GRM8: variants seen among roughly 807,000 people sequenced by gnomAD.
GRM8 encodes metabotropic glutamate receptor 8.
A neutral mutation model predicts 87.2 loss-of-function variants in GRM8; 47 were observed. The ratio of observed to expected loss-of-function variants is 0.54; its 90% CI spans 0.43 to 0.69. The LOEUF (loss-of-function observed/expected upper bound fraction) is 0.69. Ranked by LOEUF, GRM8 falls within the 30% of genes least tolerant of loss-of-function variation. The probability of loss-of-function intolerance (pLI) is 0.00; values close to 1 mark genes in which losing one functional copy is unlikely to be tolerated. For synonymous variants in GRM8, 396 were observed against 404.5 expected, an observed-to-expected ratio of 0.98 and a Z score of 0.25; for missense variants, 1,019 against 1,139.2, an observed-to-expected ratio of 0.89 and a Z score of 1.52.
At chr7:127,189,842 T>G (rs1268975498) in intron 2 of GRM8, among the ~76,000 whole-genome samples, 1 of 152,152 alleles carries the variant, frequency 6.6e-6, no homozygotes, top group Non-Finnish European at 1.5e-5. Flanking sequence ...TTACAGCAAC[T>G]CATCCCCACT....
At chr7:126,661,269 C>T (rs1805127557) in intron 7 of GRM8, among the ~76,000 whole-genome samples, 1 of 152,144 alleles carries the variant, frequency 6.6e-6, no homozygotes, top group Admixed American at 6.5e-5. Flanking sequence ...TGTATCAAAA[C>T]ATCTCATGTA....
At chr7:126,868,227 G>A (rs1798776219) in intron 6 of GRM8, among the ~76,000 whole-genome samples, 1 of 152,238 alleles carries the variant, frequency 6.6e-6, no homozygotes, top group Admixed American at 6.5e-5. Flanking sequence ...CTGTGTGAAG[G>A]GCATGGAAGG....
chr7:126,468,518 T>C (rs757779268), intron 9 of GRM8, among the ~76,000 whole-genome samples: 8 of 152,118 alleles, frequency 5.3e-5, no homozygotes, highest in Non-Finnish European at 7.4e-5. Flanking sequence ...ACATCAACAA[T>C]TCTTCAATCC....
At chr7:127,172,880 G>A (rs977638934) in intron 2 of GRM8, among the ~76,000 whole-genome samples, 3 of 152,128 alleles carry the variant, frequency 2.0e-5, no homozygotes, top group African/African-American at 7.2e-5. Context: ...GCTTTCTGGA[G>A]TTTTCTCAGA....
intron 8 of GRM8, among the ~76,000 whole-genome samples, chr7:126,546,873 T>G (rs1003921063): frequency 1.3e-5 from 2 of 152,198 alleles, no homozygotes; most frequent in African/African-American, 4.8e-5. Flanking sequence ...TAAATGGAAC[T>G]CTTGCTACAA....
At chr7:127,169,912 G>A (rs372450205) in intron 2 of GRM8, among the ~76,000 whole-genome samples, 43 of 152,194 alleles carry the variant, frequency 2.8e-4, no homozygotes, top group South Asian at 8.3e-4. Flanking sequence ...ATTATTGTTC[G>A]TAGACAATGT....
chr7:126,904,148 A>G (rs1563301691), intron 4 of GRM8, 22 bp from the exon 5 acceptor site: 3 of 1,583,408 alleles, frequency 1.9e-6, no homozygotes, highest in Non-Finnish European at 8.7e-7. Flanking sequence ...AAAATAAATA[A>G]TGCATATCAC....
chr7:126,528,521 G>A (rs1584951302), intron 9 of GRM8, among the ~76,000 whole-genome samples: 1 of 151,966 alleles, frequency 6.6e-6, no homozygotes. Flanking sequence ...TTATGTGCAT[G>A]AAACACTTTT....
chr7:126,981,419 T>A (rs1811514561), intron 3 of GRM8: 1 of 152,214 alleles, frequency 6.6e-6, no homozygotes, highest in Non-Finnish European at 1.5e-5. Flanking sequence ...TAAGGAGAAC[T>A]TGAGTCCAAA....
In GRM8 at chr7:127,144,967, T is replaced by TTA. The variant is rs1828472679; in HGVS notation, c.511-38256_511-38255insTA. ...ACTATGCTCTTATGTTTCTTTAATA[T>TTA]ATGCATCTTTTCCCCAAAATATTTG... On this transcript the variant is annotated intron_variant, in intron 2 of 10. Transcript: ENST00000339582. 3.3e-5 allele frequency among the ~76,000 whole-genome samples: 5 copies of TTA among 152,256 alleles called. No homozygotes were observed. In the South Asian group the frequency reaches 1.0e-3, roughly 32 times the overall value.
At chr7:126,846,725 A>G (rs1280518017) in intron 6 of GRM8, among the ~76,000 whole-genome samples, 1 of 152,180 alleles carries the variant, frequency 6.6e-6, no homozygotes, top group Non-Finnish European at 1.5e-5. Flanking sequence ...GCAAAAAAAA[A>G]GAAGGAAGAG....
intron 6 of GRM8, among the ~76,000 whole-genome samples, chr7:126,849,157 C>A (rs1563246767): frequency 6.6e-6 from 1 of 151,998 alleles, no homozygotes; most frequent in Non-Finnish European, 1.5e-5. Flanking sequence ...GATGGGGACA[C>A]AGCCAAACCA....
intron 5 of GRM8, among the ~76,000 whole-genome samples, chr7:126,903,700 T>C (rs898576422): frequency 6.9e-6 from 1 of 144,298 alleles, no homozygotes; most frequent in Admixed American, 7.1e-5. Context: ...TATGTGTATA[T>C]ATATATGTAT....
At chr7:126,997,147 T>C (rs772446322) in intron 3 of GRM8, among the ~76,000 whole-genome samples, 3 of 135,324 alleles carry the variant, frequency 2.2e-5, no homozygotes, top group Admixed American at 7.3e-5. Flanking sequence ...AGGAATTTTG[T>C]ACACTAAAAA....
At chr7:127,207,276 T>A (rs1165969182) in intron 2 of GRM8, among the ~76,000 whole-genome samples, 1 of 152,194 alleles carries the variant, frequency 6.6e-6, no homozygotes, top group African/African-American at 2.4e-5. Context: ...AGAACCCTTA[T>A]TTTCAGGACC....
At chr7:126,634,965 T>C (rs776013986) in intron 7 of GRM8, among the ~76,000 whole-genome samples, 1 of 152,130 alleles carries the variant, frequency 6.6e-6, no homozygotes, top group Non-Finnish European at 1.5e-5. Context: ...GGCTTTAGAC[T>C]CAAACCTGCC....
At chr7:126,698,469 C>G (rs1420527270) in intron 7 of GRM8, among the ~76,000 whole-genome samples, 1 of 152,040 alleles carries the variant, frequency 6.6e-6, no homozygotes. Context: ...ACAAAATGCT[C>G]TAGGCATATC....
intron 7 of GRM8, among the ~76,000 whole-genome samples, chr7:126,763,153 T>C (rs913249730): frequency 6.0e-5 from 9 of 150,920 alleles, no homozygotes; most frequent in African/African-American, 2.2e-4. Flanking sequence ...ATTATGTTCA[T>C]GATAATTTGT....
intron 7 of GRM8, among the ~76,000 whole-genome samples, chr7:126,669,086 A>G (rs903702651): frequency 1.3e-4 from 20 of 152,216 alleles, no homozygotes; most frequent in Non-Finnish European, 1.3e-4. Flanking sequence ...CAAACACTGC[A>G]TGTTCTCACT....
Sources: allele counts gnomAD v4.1 joint callset (sites outside exome capture counted in the v4.1 genomes callset), GRCh38; gene constraint gnomAD v4.1.1; transcripts MANE v1.5; gene names NCBI Gene and HGNC (gene_info 2026-07-23, HGNC 2026-07-21).